TANC1: variants seen among roughly 807,000 people sequenced by gnomAD.
TANC1 encodes the protein tetratricopeptide repeat, ankyrin repeat and coiled-coil containing 1.
A neutral mutation model predicts 149.7 loss-of-function variants in TANC1; 77 were observed. That is an observed-to-expected ratio of 0.51 (90% confidence interval 0.43 to 0.62). TANC1 has a LOEUF of 0.62. Among genes scored for constraint, TANC1 ranks in the 20% least tolerant of loss-of-function variants. The probability of loss-of-function intolerance (pLI) is 0.00; values close to 1 mark genes in which losing one functional copy is unlikely to be tolerated. For synonymous variants in TANC1, 854 were observed against 925.0 expected, an observed-to-expected ratio of 0.92 and a Z score of 1.39; for missense variants, 1,985 against 2,321.8, an observed-to-expected ratio of 0.85 and a Z score of 2.98.
At chr2:159,159,732 G>A (rs1437110211) in intron 7 of TANC1, among the ~76,000 whole-genome samples, 1 of 107,544 alleles carries the variant, frequency 9.3e-6, no homozygotes, top group Admixed American at 9.0e-5. Flanking sequence ...GAGAGAGAGA[G>A]AGAGAGAGAG....
intron 12 of TANC1, among the ~76,000 whole-genome samples, chr2:159,175,558 A>G (rs1331536727): frequency 2.0e-5 from 3 of 152,186 alleles, no homozygotes; most frequent in Non-Finnish European, 4.4e-5. Flanking sequence ...TTTCCAGCAT[A>G]TATATTTGTC....
rs113106796 is a variant in TANC1, at chr2:159,021,619, AAAAGAAAGAAAG to A, written c.-16+20446_-16+20457del. On this transcript the variant is annotated intron_variant, in intron 2 of 26. Transcript: ENST00000263635. ...ATGTAACGAGACCCTATCTCTTTAA[AAAAGAAAGAAAG>A]AAAGAAAGAAAGAAAAAGTAATTTT... 5.3e-5 allele frequency among the ~76,000 whole-genome samples: 8 copies of A among 152,172 alleles called. No individual in the cohort carries two copies. The South Asian group carries it at 6.2e-4, about 12-fold the overall frequency.
intron 2 of TANC1, among the ~76,000 whole-genome samples, chr2:159,028,079 A>G (rs2039490645): frequency 6.6e-6 from 1 of 152,184 alleles, no homozygotes; most frequent in African/African-American, 2.4e-5. Context: ...CGTTGCCAAC[A>G]CATGAAAGTT....
chr2:159,054,219 A>T (rs2041681575), intron 2 of TANC1, among the ~76,000 whole-genome samples: 1 of 152,132 alleles, frequency 6.6e-6, no homozygotes, highest in Admixed American at 6.5e-5. Flanking sequence ...ATGCACACTG[A>T]GTTGTGTGAC....
At chr2:159,084,576 C>T (rs1263061272) in intron 3 of TANC1, among the ~76,000 whole-genome samples, 4 of 152,168 alleles carry the variant, frequency 2.6e-5, no homozygotes, top group African/African-American at 9.7e-5. Context: ...GACAGCTTTG[C>T]TGACGGGACT....
chr2:159,074,458 G>A (rs764993988), intron 3 of TANC1, among the ~76,000 whole-genome samples: 4 of 152,132 alleles, frequency 2.6e-5, no homozygotes, highest in Non-Finnish European at 5.9e-5. Flanking sequence ...CTGGCTGATA[G>A]CAGAGGCTAA....
chr2:159,163,449 C>G lies in TANC1; in HGVS notation c.849C>G (p.Ser283Arg). ...AGGAGACCACCGGGTCAGCAGAGAG[C>G]ACGCTGCCCAAAGCAGAATCCTCAG... ...AEEETTGSAE[S>R]TLPKAESSAG... The change falls in exon 8 of 27, where the codon AGC becomes AGG. Residue 283 changes from serine (S) to arginine (R), a missense_variant. Ser to Arg is a moderately radical substitution (Grantham distance 110). Transcript: ENST00000263635. 6.2e-7 allele frequency: 1 copy of G among 1,614,064 alleles called. No individual in the cohort carries two copies. The highest frequency in any genetic ancestry group is 8.5e-7 in the Non-Finnish European group (1 of 1,180,020).
intron 2 of TANC1, among the ~76,000 whole-genome samples, chr2:159,013,606 C>G (rs187006895): frequency 1.7e-3 from 257 of 152,180 alleles, no homozygotes; most frequent in Non-Finnish European, 2.5e-3. Context: ...CTCCCGTAAC[C>G]CCAATGTGCC....
chr2:159,082,493 TTACACTC>T (rs1309149177), intron 3 of TANC1, among the ~76,000 whole-genome samples: 1 of 152,188 alleles, frequency 6.6e-6, no homozygotes, highest in Admixed American at 6.5e-5. Flanking sequence ...TTCTGCTCCT[TTACACTC>T]TCCTTTTGAC....
chr2:159,089,291 T>C (rs538453029), intron 3 of TANC1, among the ~76,000 whole-genome samples: 22 of 152,328 alleles, frequency 1.4e-4, no homozygotes, highest in African/African-American at 5.1e-4. Context: ...TTTGCACTTG[T>C]GAGTTTTCTT....
At position 159,225,749 on chromosome 2, in the gene TANC1, A is replaced by G. The variant is rs756026153; in HGVS notation, c.3873A>G (p.Lys1291=). 3.7e-6 allele frequency: 6 copies of G among 1,614,016 alleles called. No homozygotes were observed. The South Asian group carries it at 6.6e-5, about 18-fold the overall frequency. The change falls in exon 24 of 27, where the codon AAA becomes AAG. Residue 1291 remains lysine, a synonymous_variant. Coordinates refer to ENST00000263635, the MANE Select transcript of TANC1 (RefSeq NM_033394.3). ...KPDILIILLQ[K]LMEEGNVMYK... is the part of the protein sequence containing the mutation. ...ATATCTTGATTATACTTTTACAGAA[A>G]TTAATGGAGGAAGGAAATGTGATGT...
intron 1 of TANC1, among the ~76,000 whole-genome samples, chr2:158,980,819 T>C (rs993805280): frequency 5.9e-5 from 9 of 152,050 alleles, no homozygotes; most frequent in African/African-American, 2.2e-4. Context: ...TTTGTCACCA[T>C]TTTTGTTTTT....
At chr2:159,209,924 T>G (rs1408514088) in intron 19 of TANC1, among the ~76,000 whole-genome samples, 1 of 152,212 alleles carries the variant, frequency 6.6e-6, no homozygotes, top group Non-Finnish European at 1.5e-5. Flanking sequence ...GACACTCATT[T>G]TTTTCATTTT....
At chr2:158,982,169 C>G (rs1370991073) in intron 1 of TANC1, among the ~76,000 whole-genome samples, 1 of 152,084 alleles carries the variant, frequency 6.6e-6, no homozygotes, top group Non-Finnish European at 1.5e-5. Flanking sequence ...ATAAGCAGCT[C>G]CCAGCGCATT....
At chr2:159,017,809 G>A (rs1421871078) in intron 2 of TANC1, among the ~76,000 whole-genome samples, 1 of 151,886 alleles carries the variant, frequency 6.6e-6, no homozygotes, top group Non-Finnish European at 1.5e-5. Context: ...AACCACCATG[G>A]CCCATGTATA....
intron 9 of TANC1, 143 bp from the exon 10 acceptor site, chr2:159,170,381 A>G (rs1317145519): frequency 2.8e-6 from 2 of 725,914 alleles, no homozygotes; most frequent in South Asian, 2.0e-5. Context: ...AAGTATTAAT[A>G]GAACGAGATT....
At chr2:159,144,999 A>C (rs2051901400) in intron 5 of TANC1, among the ~76,000 whole-genome samples, 1 of 152,160 alleles carries the variant, frequency 6.6e-6, no homozygotes, top group South Asian at 2.1e-4. Context: ...AGCAATACTC[A>C]GTGTTCTTTA....
At chr2:159,153,708 A>G (rs187757332) in intron 7 of TANC1, among the ~76,000 whole-genome samples, 4 of 146,470 alleles carry the variant, frequency 2.7e-5, no homozygotes, top group Non-Finnish European at 3.0e-5. Context: ...TTTTAAATCA[A>G]TACAGGGTGT....
At chr2:159,083,308 C>G (rs1283597605) in intron 3 of TANC1, among the ~76,000 whole-genome samples, 15 of 151,614 alleles carry the variant, frequency 9.9e-5, no homozygotes, top group Admixed American at 9.9e-4. Context: ...GTTTGGGAGT[C>G]ACTGGTATGC....
Sources: allele counts gnomAD v4.1 joint callset (sites outside exome capture counted in the v4.1 genomes callset), GRCh38; gene constraint gnomAD v4.1.1; transcripts MANE v1.5; gene names NCBI Gene and HGNC (gene_info 2026-07-23, HGNC 2026-07-21).